KYNU: variants seen among roughly 807,000 people sequenced by gnomAD.
KYNU encodes L-kynurenine hydrolase.
KYNU carries 54 observed loss-of-function variants against 59.2 expected under a neutral mutation model. That is an observed-to-expected ratio of 0.91 (90% CI 0.73 to 1.14). The LOEUF is 1.14. Ranked by LOEUF, KYNU falls within the 50% of genes most tolerant of loss-of-function variation. KYNU has a pLI of 0.00. For missense variants in KYNU, 567 were observed against 554.4 expected (o/e 1.02, Z -0.23); for synonymous variants, 177 against 192.0 (o/e 0.92, Z 0.65).
At chr2:142,879,189 A>G (rs1306470302) in intron 1 of KYNU, among the ~76,000 whole-genome samples, 1 of 152,216 alleles carries the variant, frequency 6.6e-6, no homozygotes, top group Non-Finnish European at 1.5e-5. Flanking sequence ...AGCAATTAGT[A>G]TGAGTGAATA....
In KYNU at chr2:143,042,774, T is replaced by C. The variant is rs1184721312; in HGVS notation, c.*602T>C. ...TATTTATGTGAATATATGAGAAATA[T>C]TATTGATTCTAAGATATTTTATCAT... On this transcript the variant is annotated 3_prime_UTR_variant, in exon 14 of 14. Coordinates refer to ENST00000264170, the MANE Select transcript of KYNU (RefSeq NM_003937.3). 6.6e-6 allele frequency: 1 copy of C among 151,118 alleles called. No homozygotes were observed. Among genetic ancestry groups the C allele is most frequent in the Non-Finnish European group, 1.5e-5 (1 of 67,722 alleles). The allele number at this position is 151,118 out of a possible 1,614,324, so 9.4% of individuals were successfully genotyped here. A position where few individuals can be genotyped will look rare whatever the true frequency, so the allele number is the denominator to read the frequency against.
intron 2 of KYNU, among the ~76,000 whole-genome samples, chr2:142,896,864 G>A (rs1427274958): frequency 1.3e-5 from 2 of 152,152 alleles, no homozygotes; most frequent in African/African-American, 4.8e-5. Context: ...ACAGTCTGTA[G>A]CTATCTTTTT....
intron 10 of KYNU, among the ~76,000 whole-genome samples, chr2:142,992,790 T>A (rs1269927996): frequency 6.6e-6 from 1 of 152,046 alleles, no homozygotes; most frequent in African/African-American, 2.4e-5. Flanking sequence ...AACCAACCAA[T>A]ATTTTTGTGC....
chr2:142,981,124 T>G (rs1478050469), intron 8 of KYNU, among the ~76,000 whole-genome samples: 1 of 152,166 alleles, frequency 6.6e-6, no homozygotes, highest in Non-Finnish European at 1.5e-5. Flanking sequence ...TTAAACATAG[T>G]GTAGAAGTCA....
chr2:143,029,459 G>A (rs912192711), intron 10 of KYNU, among the ~76,000 whole-genome samples, 168 bp from the exon 11 acceptor site: 14 of 152,124 alleles, frequency 9.2e-5, no homozygotes, highest in African/African-American at 3.4e-4. Flanking sequence ...GGTGGTGCAT[G>A]CTTGTAGTCT....
chr2:143,002,586 A>G (rs1426072236), intron 10 of KYNU, among the ~76,000 whole-genome samples: 1 of 152,240 alleles, frequency 6.6e-6, no homozygotes, highest in East Asian at 1.9e-4. Context: ...AGTGTCAAGT[A>G]CCCAGTTCTT....
intron 4 of KYNU, among the ~76,000 whole-genome samples, chr2:142,936,854 C>T (rs1359759009): frequency 1.3e-5 from 2 of 152,048 alleles, no homozygotes; most frequent in East Asian, 1.9e-4. Context: ...CCAAGGAGGA[C>T]GCAGACTTGA....
intron 10 of KYNU, among the ~76,000 whole-genome samples, chr2:143,013,077 C>G (rs572067172): frequency 6.6e-6 from 1 of 152,060 alleles, no homozygotes; most frequent in African/African-American, 2.4e-5. Context: ...CACACTGCAG[C>G]CTTAAACTCC....
At chr2:143,005,607 G>A (rs1054945266) in intron 10 of KYNU, among the ~76,000 whole-genome samples, 3 of 151,806 alleles carry the variant, frequency 2.0e-5, no homozygotes, top group East Asian at 1.9e-4. Flanking sequence ...AATATATATA[G>A]CATAAAATAG....
intron 7 of KYNU, 63 bp from the exon 8 acceptor site, chr2:142,960,561 G>A: frequency 6.8e-7 from 1 of 1,469,506 alleles, no homozygotes; most frequent in Non-Finnish European, 9.5e-7. Flanking sequence ...ATTTAGATCG[G>A]CAATATGAAA....
At chr2:142,884,484 C>T (rs370805192) in intron 1 of KYNU, among the ~76,000 whole-genome samples, 17 of 152,016 alleles carry the variant, frequency 1.1e-4, no homozygotes, top group Admixed American at 9.8e-4. Context: ...CAAAGATCAT[C>T]CTTACCATTA....
intron 2 of KYNU, among the ~76,000 whole-genome samples, chr2:142,888,459 A>T (rs988562838): frequency 2.0e-5 from 3 of 152,164 alleles, no homozygotes; most frequent in African/African-American, 7.2e-5. Context: ...CCCTGTCTCT[A>T]AATAACAATA....
At chr2:142,971,761 A>G (rs1400860784) in intron 8 of KYNU, among the ~76,000 whole-genome samples, 3 of 152,332 alleles carry the variant, frequency 2.0e-5, no homozygotes, top group South Asian at 2.1e-4. Flanking sequence ...GGTTGATTTG[A>G]TGGAACAGTA....
intron 4 of KYNU, among the ~76,000 whole-genome samples, chr2:142,930,629 A>G (rs1409414473): frequency 6.6e-6 from 1 of 151,998 alleles, no homozygotes; most frequent in Non-Finnish European, 1.5e-5. Flanking sequence ...TGTGTACTGG[A>G]GGAAACAGTT....
chr2:142,952,597 T>C (rs889476802), intron 4 of KYNU, among the ~76,000 whole-genome samples: 2 of 152,030 alleles, frequency 1.3e-5, no homozygotes, highest in Admixed American at 6.6e-5. Context: ...CCACTACACC[T>C]GACTAATTTT....
intron 1 of KYNU, among the ~76,000 whole-genome samples, chr2:142,883,295 C>T (rs1421277338): frequency 1.3e-5 from 2 of 149,610 alleles, no homozygotes; most frequent in African/African-American, 2.5e-5. Context: ...CCGGGGTTCA[C>T]GCCATTCTCC....
chr2:143,010,957 C>A (rs1423269266), intron 10 of KYNU, among the ~76,000 whole-genome samples: 1 of 146,200 alleles, frequency 6.8e-6, no homozygotes. Flanking sequence ...ACCATAAAAA[C>A]CCTAGAAGAA....
intron 8 of KYNU, among the ~76,000 whole-genome samples, chr2:142,973,156 G>A (rs1684783003): frequency 6.6e-6 from 1 of 150,774 alleles, no homozygotes; most frequent in Admixed American, 6.6e-5. Flanking sequence ...ATTGGTGTCA[G>A]CATTTAGAAA....
Position 142,999,104 on chromosome 2 carries a change from C to T in KYNU, c.902+13083C>T, listed in dbSNP as rs553101655. Among the ~76,000 whole-genome samples the T allele has an allele frequency of 4.6e-5, 7 of 151,776 alleles. No homozygotes were observed. In the South Asian group the frequency reaches 8.3e-4, roughly 18 times the overall value. ...CCTAGCATTCTGCCAGCCCCAAACC[C>T]GGAAGTAGTCTGGAGAACATTGCTT... On this transcript the variant is annotated intron_variant, in intron 10 of 13. Coordinates refer to ENST00000264170, the MANE Select transcript of KYNU (RefSeq NM_003937.3).
Sources: gnomAD v4.1 joint callset for allele counts (sites outside exome capture counted in the v4.1 genomes callset) on GRCh38, gnomAD v4.1.1 for gene constraint, MANE v1.5 for transcripts, NCBI Gene and HGNC (gene_info 2026-07-23, HGNC 2026-07-21) for gene names.